Variants in UBE2O observed in about 807,000 individuals in gnomAD.
UBE2O encodes (E3-independent) E2 ubiquitin-conjugating enzyme.
A neutral mutation model predicts 125.8 loss-of-function variants in UBE2O; 15 were observed. The observed-to-expected ratio is 0.12, with a 90% CI of 0.08 to 0.18. The LOEUF (loss-of-function observed/expected upper bound fraction) is 0.18, where lower values mean the gene tolerates loss of function less well. UBE2O is among the 10% of genes least tolerant of loss of function. The pLI, the probability that UBE2O is intolerant of heterozygous loss-of-function variation, is 1.00. For missense variants in UBE2O, 1,280 were observed against 1,723.6 expected, an observed-to-expected ratio of 0.74 and a Z score of 4.56; for synonymous variants, 708 against 703.2, an observed-to-expected ratio of 1.01 and a Z score of -0.11.
chr17:76,400,649 T>G lies in UBE2O; in HGVS notation c.895-99A>C. 1.3e-6 allele frequency: 1 copy of G among 791,962 alleles called. No individual in the cohort carries two copies. Among genetic ancestry groups the G allele is most frequent in the Admixed American group, 2.5e-5 (1 of 40,114 alleles). The allele number at this position is 791,962 out of a possible 1,614,324, so 49.1% of individuals were successfully genotyped here. A position where few individuals can be genotyped will look rare whatever the true frequency, so the allele number is the denominator to read the frequency against. On this transcript the variant is annotated intron_variant, in intron 6 of 17. Transcript: ENST00000319380. The surrounding 1 kb of genome is among the most constrained non-coding windows in gnomAD (Gnocchi z 4.3). ...CCACTTGACCTCCAGAGCAGGAAAC[T>G]GATCTTCCTAGTGCAGCACCAAGTA...
Position 76,396,348 on chromosome 17 carries a change from G to A in UBE2O, c.2589C>T (p.Asn863=), listed in dbSNP as rs2072209050. The change falls in exon 14 of 18, where the codon AAC becomes AAT. Residue 863 remains asparagine, a synonymous_variant. Transcript: ENST00000319380. The surrounding 1 kb of genome is among the most constrained non-coding windows in gnomAD (Gnocchi z 6.7). ...FLDDIKKLQE[N]LKKTLDNVAI... The stretch of plus-strand genomic sequence containing the variant: ...CCACATTGTCCAGGGTCTTCTTGAG[G>A]TTTTCCTGTAGCTTCTTGATGTCAT... 1 of 1,614,086 alleles carries A rather than the reference G, an allele frequency of 6.2e-7. No homozygotes were observed. Among genetic ancestry groups the A allele is most frequent in the Admixed American group, 1.7e-5 (1 of 60,016 alleles).
In UBE2O at chr17:76,452,327, T is replaced by C. The variant is rs1053611393; in HGVS notation, c.417+398A>G. Among the ~76,000 whole-genome samples the C allele has an allele frequency of 2.0e-5, 3 of 152,088 alleles. No individual in the cohort carries two copies. The highest frequency in any genetic ancestry group is 7.2e-5 in the African/African-American group (3 of 41,404). ...CTGCACGGACCCGGCACGGCCTTCA[T>C]TTCTGGATGCACAATGCAGTACCGA... On this transcript the variant is annotated intron_variant, in intron 1 of 17. Coordinates refer to ENST00000319380, the MANE Select transcript of UBE2O (RefSeq NM_022066.4). This position sits in a 1 kb window ranked among gnomAD's most constrained non-coding sequence, Gnocchi z 4.4.
chr17:76,399,747 C>G lies in UBE2O; in HGVS notation c.1330G>C (p.Glu444Gln). ...ETPDGSASPVEMQDEGAEEPH... is the reference protein window; with the variant it reads ...ETPDGSASPVQMQDEGAEEPH... ...TCCTCTGCACCCTCGTCCTGCATCT[C>G]CACTGGACTGGCAGAGCCATCGGGC... The change falls in exon 9 of 18, where the codon GAG becomes CAG. Residue 444 changes from glutamate (E) to glutamine (Q), a missense_variant. Glu to Gln is a conservative substitution (Grantham distance 29). Around this residue, in one of 10 missense-constraint regions of UBE2O, gnomAD observed 141 missense variants for 141.3 expected, o/e 1.00. Transcript: ENST00000319380. This position sits in a 1 kb window ranked among gnomAD's most constrained non-coding sequence, Gnocchi z 6.9. 6.2e-7 allele frequency: 1 copy of G among 1,614,214 alleles called. No homozygotes were observed. Among genetic ancestry groups the G allele is most frequent in the Non-Finnish European group, 8.5e-7 (1 of 1,180,040 alleles).
chr17:76,400,061 A>G lies in UBE2O; in HGVS notation c.1155+86T>C. 1 of 1,551,682 alleles carries G rather than the reference A, an allele frequency of 6.4e-7. No homozygotes were observed. The highest frequency in any genetic ancestry group is 8.7e-7 in the Non-Finnish European group (1 of 1,145,668). On this transcript the variant is annotated intron_variant, in intron 8 of 17. Transcript: ENST00000319380. The surrounding 1 kb of genome is among the most constrained non-coding windows in gnomAD (Gnocchi z 4.3). Reference sequence around the variant, plus strand: ...TCATCAGGGCTGCCCCCCAAGGCCTAAAGCACAGACTGTCCTTCTTGGCCA... The same window carrying G: ...TCATCAGGGCTGCCCCCCAAGGCCTGAAGCACAGACTGTCCTTCTTGGCCA...
intron 15 of UBE2O, among the ~76,000 whole-genome samples, chr17:76,394,464 ATGC>A (rs1240701434): frequency 6.6e-6 from 1 of 152,244 alleles, no homozygotes; most frequent in East Asian, 1.9e-4. Flanking sequence ...GTGTGGCCAC[ATGC>A]TGTCATCCTA....
At chr17:76,418,534 A>G (rs1230411702) in intron 1 of UBE2O, among the ~76,000 whole-genome samples, 1 of 151,762 alleles carries the variant, frequency 6.6e-6, no homozygotes, top group Non-Finnish European at 1.5e-5. Flanking sequence ...TGGAAAATGG[A>G]GCAGCCTCCA....
chr17:76,400,881 T>G lies in UBE2O; in HGVS notation c.894+130A>C. 60 of 1,159,624 alleles carry G rather than the reference T, an allele frequency of 5.2e-5. No individual in the cohort carries two copies. Among genetic ancestry groups the G allele is most frequent in the Non-Finnish European group, 6.5e-5 (54 of 836,504 alleles). 71.8% of individuals were successfully genotyped at this position (1,159,624 alleles called of 1,614,324 possible). On this transcript the variant is annotated intron_variant, in intron 6 of 17. Transcript: ENST00000319380. The surrounding 1 kb of genome is among the most constrained non-coding windows in gnomAD (Gnocchi z 4.3). Reference sequence around the variant, plus strand: ...GGTTCCCTTTATCCCCAAAGCCCTTTGAGATCAACAGGGTCCAGATGCTGA... The same window carrying G: ...GGTTCCCTTTATCCCCAAAGCCCTTGGAGATCAACAGGGTCCAGATGCTGA...
At chr17:76,409,324 C>CA (rs1473995500) in intron 1 of UBE2O, among the ~76,000 whole-genome samples, 4 of 151,920 alleles carry the variant, frequency 2.6e-5, no homozygotes, top group Admixed American at 2.6e-4. Flanking sequence ...AGAAAAAGGA[C>CA]AAGACAAGAT....
At chr17:76,451,679 C>A (rs2073245449) in intron 1 of UBE2O, among the ~76,000 whole-genome samples, 1 of 152,164 alleles carries the variant, frequency 6.6e-6, no homozygotes, top group South Asian at 2.1e-4. Flanking sequence ...CTCTCAACCT[C>A]CCAAGGACCT....
At chr17:76,408,853 A>T (rs1555606384) in intron 1 of UBE2O, among the ~76,000 whole-genome samples, 1 of 151,738 alleles carries the variant, frequency 6.6e-6, no homozygotes, top group South Asian at 2.1e-4. Flanking sequence ...CTTGTAGTTT[A>T]AAAAAAAATT....
In UBE2O at chr17:76,396,639, C is replaced by T. The variant is rs749080271; in HGVS notation, c.2298G>A (p.Pro766=). 4.0e-5 allele frequency: 64 copies of T among 1,613,164 alleles called. No individual in the cohort carries two copies. The Middle Eastern group carries it at 4.9e-4, about 12-fold the overall frequency. The stretch of plus-strand genomic sequence containing the variant: ...CCACTCCCTTGTCCTCAGGGGCCAC[C>T]GGCTGCTCCAGGGGTGGGATGGGGG... ...EEPPIPPLEQ[P]VAPEDKGVVI... Residue 766 remains proline, a synonymous_variant, in exon 14 of 18, where the codon CCG becomes CCA. Transcript: ENST00000319380. This position sits in a 1 kb window ranked among gnomAD's most constrained non-coding sequence, Gnocchi z 6.7.
intron 1 of UBE2O, among the ~76,000 whole-genome samples, chr17:76,425,768 T>C (rs1369630015): frequency 1.3e-5 from 2 of 152,260 alleles, no homozygotes; most frequent in Admixed American, 6.5e-5. Context: ...CTTTTCTAAA[T>C]ATCTTCAAAT....
intron 1 of UBE2O, among the ~76,000 whole-genome samples, chr17:76,426,867 A>C (rs1291128009): frequency 1.3e-5 from 2 of 151,340 alleles, no homozygotes; most frequent in African/African-American, 4.9e-5. Flanking sequence ...CTTTCTCCTT[A>C]CTTCCTTCTT....
chr17:76,399,798 C>T lies in UBE2O; in HGVS notation c.1279G>A (p.Ala427Thr). ...GTCTCCTCAGGGCTGGCAGACTCCG[C>T]TTCGCTCTTGGTTTTGGATTCCCCC... ...KKGESKTKSE[A>T]ESASPEETPD... The change falls in exon 9 of 18, where the codon GCG (alanine) becomes ACG (threonine). Residue 427 changes from alanine to threonine, a missense_variant. Coordinates refer to ENST00000319380, the MANE Select transcript of UBE2O (RefSeq NM_022066.4). The surrounding 1 kb of genome is among the most constrained non-coding windows in gnomAD (Gnocchi z 6.9). 1 of 1,614,236 alleles carries T rather than the reference C, an allele frequency of 6.2e-7. No homozygotes were observed. Among genetic ancestry groups the T allele is most frequent in the Non-Finnish European group, 8.5e-7 (1 of 1,180,038 alleles).
In UBE2O at chr17:76,398,149, G is replaced by A. The variant is rs773021511; in HGVS notation, c.2025+106C>T. 4 of 1,489,128 alleles carry A rather than the reference G, an allele frequency of 2.7e-6. No homozygotes were observed. Among genetic ancestry groups the A allele is most frequent in the Non-Finnish European group, 3.7e-6 (4 of 1,080,818 alleles). The allele number at this position is 1,489,128 out of a possible 1,614,324, so 92.2% of individuals were successfully genotyped here. ...CCTTCTGAGGACACTGAGCCCAGAG[G>A]ACTTTCAGGTCTTGTCTCCTAGAGC... On this transcript the variant is annotated intron_variant, in intron 12 of 17. Transcript: ENST00000319380. This position sits in a 1 kb window ranked among gnomAD's most constrained non-coding sequence, Gnocchi z 5.4.
At position 76,401,222 on chromosome 17, in the gene UBE2O, G is replaced by A. The variant is rs190543835; in HGVS notation, c.751-68C>T. On this transcript the variant is annotated intron_variant, in intron 5 of 17. Transcript: ENST00000319380. ...CTCCATGGGTGACCATGCTCTCCACGCCTGTGCCCGCTGGCTGCCCACCTG... is the reference window on the plus strand; with the variant it reads ...CTCCATGGGTGACCATGCTCTCCACACCTGTGCCCGCTGGCTGCCCACCTG... 2.8e-3 allele frequency: 4,353 copies of A among 1,561,492 alleles called. 8 individuals carry two copies. Among genetic ancestry groups the A allele is most frequent in the Non-Finnish European group, 3.6e-3 (4,131 of 1,149,272 alleles).
intron 1 of UBE2O, among the ~76,000 whole-genome samples, chr17:76,433,421 T>C (rs538655753): frequency 4.2e-5 from 6 of 144,276 alleles, no homozygotes; most frequent in Non-Finnish European, 9.2e-5. Context: ...CTTCCAGGAG[T>C]TGGGAGGGGT....
chr17:76,428,493 T>C (rs922552101), intron 1 of UBE2O, among the ~76,000 whole-genome samples: 7 of 152,254 alleles, frequency 4.6e-5, no homozygotes, highest in Admixed American at 2.0e-4. Context: ...ATAGTAACTT[T>C]TTATTTCATG....
chr17:76,443,707 G>A (rs1378957509), intron 1 of UBE2O, among the ~76,000 whole-genome samples: 1 of 152,062 alleles, frequency 6.6e-6, no homozygotes, highest in East Asian at 1.9e-4. Flanking sequence ...TAAGCAGCTG[G>A]GCATGTGATG....
Sources: allele counts gnomAD v4.1 joint callset (sites outside exome capture counted in the v4.1 genomes callset), GRCh38; gene constraint gnomAD v4.1.1; regional missense constraint gnomAD v4.1.1; non-coding constraint Gnocchi (gnomAD v3.1); transcripts MANE v1.5; gene names NCBI Gene and HGNC (gene_info 2026-07-23, HGNC 2026-07-21).